The following PLA2G4E variants were observed in gnomAD, a reference collection of about 807,000 sequenced individuals.
PLA2G4E encodes the protein phospholipase A2 group IVE.
PLA2G4E carries 84 observed loss-of-function variants against 109.1 expected under a neutral mutation model. The observed-to-expected ratio is 0.77, with a 90% CI of 0.65 to 0.92. The LOEUF (loss-of-function observed/expected upper bound fraction) is 0.92, where lower values mean the gene tolerates loss of function less well. PLA2G4E is among the 40% of genes least tolerant of loss of function. PLA2G4E has a pLI of 0.00. For synonymous variants in PLA2G4E, 469 were observed against 436.1 expected (o/e 1.08, Z -0.94); for missense variants, 1,057 against 1,076.6 (o/e 0.98, Z 0.25).
chr15:42,022,510 G>A (rs1253041116), intron 1 of PLA2G4E, among the ~76,000 whole-genome samples: 1 of 151,898 alleles, frequency 6.6e-6, no homozygotes, highest in African/African-American at 2.4e-5. Context: ...TTGTTTTCCT[G>A]CAACTAGATG....
rs753073231 is a variant in PLA2G4E at position 41,985,861 on chromosome 15, T to C, written c.2180A>G (p.Tyr727Cys). The C allele has an allele frequency of 5.6e-6, 9 of 1,610,818 alleles. No individual in the cohort carries two copies. In the Admixed American group the frequency reaches 1.0e-4, roughly 18 times the overall value. The change falls in exon 18 of 20, where the codon TAC becomes TGC. Residue 727 changes from tyrosine to cysteine, a missense_variant. Physicochemically the swap from Tyr to Cys is radical, Grantham distance 194 (BLOSUM62 -2). Coordinates refer to ENST00000399518, the Ensembl canonical transcript of PLA2G4E. ...TGCCTTTGTCTGGGACCCAGCACAG[T>C]AGTTGAGGTGGATGATGAGGTCGGC...
intron 1 of PLA2G4E, among the ~76,000 whole-genome samples, chr15:42,029,067 A>C (rs1468753136): frequency 6.6e-6 from 1 of 152,170 alleles, no homozygotes; most frequent in East Asian, 1.9e-4. Flanking sequence ...TTTACAAAAT[A>C]TTAAGGGCCA....
intron 17 of PLA2G4E, among the ~76,000 whole-genome samples, chr15:41,986,294 A>G (rs996226822): frequency 9.2e-5 from 14 of 152,218 alleles, no homozygotes; most frequent in Admixed American, 7.9e-4. Context: ...TTGGCCCCAG[A>G]TGGTGAGGAT....
At chr15:42,046,528 G>A (rs1246086579) in intron 1 of PLA2G4E, among the ~76,000 whole-genome samples, 1 of 152,182 alleles carries the variant, frequency 6.6e-6, no homozygotes, top group African/African-American at 2.4e-5. Flanking sequence ...TAGTTCAAAT[G>A]TCACCCTCTT....
At chr15:42,038,998 C>T (rs372717905) in intron 1 of PLA2G4E, among the ~76,000 whole-genome samples, 1 of 152,230 alleles carries the variant, frequency 6.6e-6, no homozygotes, top group East Asian at 1.9e-4. Flanking sequence ...TTGTGGTTTT[C>T]ATAGGCATTT....
chr15:42,013,555 T>C, intron 2 of PLA2G4E, 130 bp downstream of exon 2: 1 of 815,412 alleles, frequency 1.2e-6, no homozygotes, highest in South Asian at 1.6e-5. Flanking sequence ...CACATACACG[T>C]ATACACCATG....
chr15:41,992,995 C>G, intron 12 of PLA2G4E, 36 bp from the exon 13 acceptor site: 1 of 1,558,602 alleles, frequency 6.4e-7, no homozygotes, highest in Admixed American at 1.9e-5. Flanking sequence ...AGGGCTGACC[C>G]GGCCCCTGTC....
chr15:41,986,416 A>G (rs2068142861), intron 17 of PLA2G4E, among the ~76,000 whole-genome samples: 1 of 152,126 alleles, frequency 6.6e-6, no homozygotes, highest in African/African-American at 2.4e-5. Context: ...GGCGGCACTG[A>G]GCTGACGCTG....
chr15:41,994,978 C>A (rs376183166), intron 12 of PLA2G4E, among the ~76,000 whole-genome samples: 106 of 152,368 alleles, frequency 7.0e-4, no homozygotes, highest in African/African-American at 2.4e-3. Context: ...AAGGAGGGAG[C>A]TCAGCTGCAG....
Position 41,984,507 on chromosome 15 carries a change from TG to T in PLA2G4E, c.2314del (p.Gln772ArgfsTer8). On this transcript the variant is annotated frameshift_variant, in exon 19 of 20. Coordinates refer to ENST00000399518, the Ensembl canonical transcript of PLA2G4E. LOFTEE classifies it high-confidence loss of function. ...AGTCACGATGGGGGCATCGGGTTCC[TG>T]GGGGTTCTCCATCAGGTAGCATTCC... is the stretch of plus-strand genomic sequence containing the variant. 6 of 1,613,986 alleles carry T rather than the reference TG, an allele frequency of 3.7e-6. No homozygotes were observed. The highest frequency in any genetic ancestry group is 4.2e-6 in the Non-Finnish European group (5 of 1,179,872).
chr15:42,002,155 A>G (rs1158751715), intron 6 of PLA2G4E, among the ~76,000 whole-genome samples: 1 of 151,694 alleles, frequency 6.6e-6, no homozygotes, highest in South Asian at 2.1e-4. Flanking sequence ...ACAAAATACA[A>G]AATAATAGCT....
intron 1 of PLA2G4E, chr15:42,050,498 C>T: frequency 1.9e-6 from 3 of 1,544,308 alleles, no homozygotes; most frequent in Non-Finnish European, 2.6e-6. Context: ...GACCAGACCC[C>T]CCTCCCAGGA....
chr15:42,043,342 C>G (rs1054470657), intron 1 of PLA2G4E, among the ~76,000 whole-genome samples: 6 of 152,070 alleles, frequency 3.9e-5, no homozygotes, highest in African/African-American at 1.4e-4. Context: ...GCCAGCCTGG[C>G]CTAGTGAGGG....
intron 1 of PLA2G4E, among the ~76,000 whole-genome samples, chr15:42,049,857 C>G (rs958805033): frequency 1.5e-4 from 23 of 152,222 alleles, no homozygotes; most frequent in African/African-American, 5.1e-4. Context: ...CTCACACGCC[C>G]GCCCAGAGGA....
chr15:42,044,640 G>T (rs541641461), intron 1 of PLA2G4E, among the ~76,000 whole-genome samples: 201 of 137,124 alleles, frequency 1.5e-3, no homozygotes, highest in African/African-American at 5.3e-3. Context: ...GTTGTGGGAT[G>T]GGGGGAGGGG....
At chr15:42,000,181 C>A (rs761028513) in exon 8 of PLA2G4E, 3 of 1,594,630 alleles carry the variant, frequency 1.9e-6, no homozygotes, top group Non-Finnish European at 2.6e-6. Flanking sequence ...AAGCAGGCAG[C>A]GGTTTGGAAG....
chr15:42,004,847 C>T, intron 5 of PLA2G4E, 91 bp downstream of exon 5: 1 of 1,444,156 alleles, frequency 6.9e-7, no homozygotes, highest in South Asian at 1.2e-5. Flanking sequence ...GGTGAGGCAG[C>T]AAAAAGGCCG....
intron 3 of PLA2G4E, among the ~76,000 whole-genome samples, chr15:42,006,849 A>T (rs566885322): frequency 2.4e-4 from 37 of 152,150 alleles, no homozygotes; most frequent in African/African-American, 8.9e-4. Flanking sequence ...GTGATTGTTG[A>T]CCTTGTAATT....
Position 42,042,419 on chromosome 15 carries a change from T to G in PLA2G4E, c.183+8102A>C, listed in dbSNP as rs145364565. 2.4e-3 allele frequency among the ~76,000 whole-genome samples: 370 copies of G among 152,354 alleles called. 1 individual carries two copies. Among genetic ancestry groups the G allele is most frequent in the African/African-American group, 8.4e-3 (348 of 41,578 alleles). Reference sequence around the variant, plus strand: ...TTTTCAAATTTTGTAATGTCTATACTGAATACATATATTATTTATAATCAG... The same window carrying G: ...TTTTCAAATTTTGTAATGTCTATACGGAATACATATATTATTTATAATCAG... On this transcript the variant is annotated intron_variant, in intron 1 of 19. Coordinates refer to ENST00000399518, the Ensembl canonical transcript of PLA2G4E.
Sources: allele counts gnomAD v4.1 joint callset (sites outside exome capture counted in the v4.1 genomes callset), GRCh38; gene constraint gnomAD v4.1.1; transcripts MANE v1.5; gene names NCBI Gene and HGNC (gene_info 2026-07-23, HGNC 2026-07-21).